Variants in SORBS2 observed in about 807,000 individuals in gnomAD.
SORBS2 encodes sorbin and SH3 domain-containing protein 2.
Under a neutral mutation model 97.7 loss-of-function variants are expected in SORBS2, and 46 were observed. The ratio of observed to expected loss-of-function variants is 0.47; its 90% CI spans 0.37 to 0.60. The LOEUF (loss-of-function observed/expected upper bound fraction) is 0.60, where lower values mean the gene tolerates loss of function less well. Among genes scored for constraint, SORBS2 ranks in the 20% least tolerant of loss-of-function variants. The probability of loss-of-function intolerance (pLI) is 0.00; values close to 1 mark genes in which losing one functional copy is unlikely to be tolerated. For synonymous variants in SORBS2, 476 were observed against 473.4 expected, an observed-to-expected ratio of 1.01 and a Z score of -0.07; for missense variants, 1,316 against 1,282.3, an observed-to-expected ratio of 1.03 and a Z score of -0.40.
At chr4:185,923,106 G>T (rs967650930) in intron 1 of SORBS2, among the ~76,000 whole-genome samples, 1 of 152,168 alleles carries the variant, frequency 6.6e-6, no homozygotes, top group East Asian at 1.9e-4. Context: ...GGGATAATCT[G>T]TATGGGGGGA....
chr4:185,779,157 T>G (rs1233110274), intron 1 of SORBS2, among the ~76,000 whole-genome samples: 1 of 149,018 alleles, frequency 6.7e-6, no homozygotes, highest in African/African-American at 2.5e-5. Context: ...TGGTTGAACC[T>G]TTCAGAAAAC....
intron 2 of SORBS2, chr4:185,770,958 G>A (rs895487559): frequency 1.4e-5 from 2 of 141,688 alleles, no homozygotes; most frequent in Non-Finnish European, 3.1e-5. Context: ...TCCTTTCCCT[G>A]GCATTTTCAT....
chr4:185,587,713 AG>A (rs755729058), intron 14 of SORBS2, 25 bp from the exon 27 acceptor site: 2 of 1,581,732 alleles, frequency 1.3e-6, no homozygotes, highest in African/African-American at 1.3e-5. Flanking sequence ...GAGTCATGAA[AG>A]GGGGGTGACA....
Position 185,762,404 on chromosome 4 carries a change from C to T in SORBS2, c.-198+12823G>A, listed in dbSNP as rs561303473. Reference sequence around the variant, plus strand: ...ATCAGGGATAGAGATTAGGGATTATCGTGAAGGAAGAAACAGGTGAACTCA... The same window carrying T: ...ATCAGGGATAGAGATTAGGGATTATTGTGAAGGAAGAAACAGGTGAACTCA... On this transcript the variant is annotated intron_variant, in intron 2 of 20. Coordinates refer to the SORBS2 transcript ENST00000284776. 2.6e-5 allele frequency among the ~76,000 whole-genome samples: 4 copies of T among 151,672 alleles called. No homozygotes were observed. In the South Asian group the frequency reaches 6.2e-4, roughly 24 times the overall value.
intron 1 of SORBS2, among the ~76,000 whole-genome samples, chr4:185,817,485 T>C (rs985672591): frequency 2.6e-5 from 4 of 152,154 alleles, no homozygotes. Context: ...CACACTTTGT[T>C]CTTGGAGAGG....
Position 185,852,549 on chromosome 4 carries a change from G to A in SORBS2, c.-337-77183C>T, listed in dbSNP as rs530836557. Among the ~76,000 whole-genome samples the A allele has an allele frequency of 4.6e-5, 7 of 152,264 alleles. No homozygotes were observed. The South Asian group carries it at 6.2e-4, about 14-fold the overall frequency. On this transcript the variant is annotated intron_variant, in intron 1 of 20. Transcript: ENST00000284776. ...GTTGTTTTGTAGTGTTATGTTCCAC[G>A]GTTTTGATATGGCTGTAGCTTTCTA...
intron 2 of SORBS2, among the ~76,000 whole-genome samples, chr4:185,698,802 T>A (rs1449783501): frequency 2.0e-5 from 3 of 152,090 alleles, no homozygotes; most frequent in Non-Finnish European, 2.9e-5. Flanking sequence ...AAAGTGTTAA[T>A]CAGGTCTACT....
rs59948235 is a variant in SORBS2, at chr4:185,605,646, A to G, written c.2796+6134T>C. Among the ~76,000 whole-genome samples the G allele has an allele frequency of 8.6e-3, 1,294 of 151,268 alleles. 20 individuals carry two copies. Among genetic ancestry groups the G allele is most frequent in the African/African-American group, 0.03 (1,233 of 41,188 alleles). On this transcript the variant is annotated intron_variant, in intron 12 of 14. Coordinates refer to ENST00000418609, the Ensembl canonical transcript of SORBS2. ...GTCACCCAGGCTGGAGTGCACTGGC[A>G]CGATCTCAGCTCATTACAACCTCCT...
chr4:185,694,863 C>A (rs548423510), intron 2 of SORBS2, among the ~76,000 whole-genome samples: 1 of 151,898 alleles, frequency 6.6e-6, no homozygotes, highest in African/African-American at 2.4e-5. Context: ...TGCACCATCA[C>A]GCCTGGCTAA....
chr4:185,925,256 T>A (rs1364952542), intron 1 of SORBS2, among the ~76,000 whole-genome samples: 3 of 152,210 alleles, frequency 2.0e-5, no homozygotes, highest in Non-Finnish European at 4.4e-5. Context: ...TATCCTCTAA[T>A]GCCACTGGTC....
chr4:185,619,454 G>A (rs1010173002), intron 8 of SORBS2, among the ~76,000 whole-genome samples: 6 of 152,136 alleles, frequency 3.9e-5, no homozygotes, highest in African/African-American at 7.2e-5. Context: ...CCTCTGGAGC[G>A]GCTACCAGTC....
chr4:185,838,448 G>A (rs958263513), intron 1 of SORBS2, among the ~76,000 whole-genome samples: 7 of 152,204 alleles, frequency 4.6e-5, no homozygotes, highest in African/African-American at 1.2e-4. Context: ...GCTGTCTGGG[G>A]GGCTCACGGA....
intron 1 of SORBS2, among the ~76,000 whole-genome samples, chr4:185,889,450 T>C (rs1276293811): frequency 6.6e-6 from 1 of 152,212 alleles, no homozygotes; most frequent in African/African-American, 2.4e-5. Flanking sequence ...TGCTATTTTT[T>C]TTCAAATTCA....
rs868739850 is a variant in SORBS2 at position 185,939,628 on chromosome 4, A to G, written c.-338+16568T>C. 1.3e-5 allele frequency among the ~76,000 whole-genome samples: 2 copies of G among 152,090 alleles called. 1 individual carries two copies. The highest frequency in any genetic ancestry group is 4.1e-4 in the South Asian group (2 of 4,824). Reference sequence around the variant, plus strand: ...CAGGTTCAAGCGATTCTCCTGCCTCAGCCTCCCTAGTAGCTGGGATTACAG... The same window carrying G: ...CAGGTTCAAGCGATTCTCCTGCCTCGGCCTCCCTAGTAGCTGGGATTACAG... On this transcript the variant is annotated intron_variant, in intron 1 of 20. Coordinates refer to the SORBS2 transcript ENST00000284776.
At chr4:185,792,666 CCT>C (rs2099086051) in intron 1 of SORBS2, among the ~76,000 whole-genome samples, 1 of 151,806 alleles carries the variant, frequency 6.6e-6, no homozygotes, top group Non-Finnish European at 1.5e-5. Flanking sequence ...TTTCTTCCTC[CCT>C]CTTTTTATTG....
At chr4:185,917,378 C>T (rs1026828846) in intron 1 of SORBS2, among the ~76,000 whole-genome samples, 3 of 152,124 alleles carry the variant, frequency 2.0e-5, no homozygotes, top group Non-Finnish European at 2.9e-5. Flanking sequence ...AGGTGCAAGC[C>T]ACCATGCCTA....
At chr4:185,589,977 A>G in intron 13 of SORBS2, 192 bp from the exon 26 acceptor site, 1 of 467,836 alleles carries the variant, frequency 2.1e-6, no homozygotes, top group Admixed American at 3.7e-5. Flanking sequence ...ACATAGCAAT[A>G]TGTAGATCTT....
intron 4 of SORBS2, among the ~76,000 whole-genome samples, chr4:185,640,012 C>T (rs956148199): frequency 6.6e-6 from 1 of 152,122 alleles, no homozygotes; most frequent in Non-Finnish European, 1.5e-5. Flanking sequence ...ACAAGTTTTG[C>T]TAATGATACA....
At position 185,623,606 on chromosome 4, in the gene SORBS2, A is replaced by G. The variant is rs147295381; in HGVS notation, c.1523T>C (p.Val508Ala). The G allele has an allele frequency of 2.5e-5, 41 of 1,613,934 alleles. No individual in the cohort carries two copies. The highest frequency in any genetic ancestry group is 3.3e-5 in the Admixed American group (2 of 60,000). Reference sequence around the variant, plus strand: ...GTGAATGTAGTCACTGTGGTCGGACACAACCCCGTCCTGGTCGCTGTCGGA... The same window carrying G: ...GTGAATGTAGTCACTGTGGTCGGACGCAACCCCGTCCTGGTCGCTGTCGGA... Residue 508 changes from valine (V) to alanine (A), a missense_variant, in exon 7 of 15, where the codon GTG becomes GCG. Physicochemically the swap from Val to Ala is moderately conservative, Grantham distance 64. Coordinates refer to ENST00000418609, the Ensembl canonical transcript of SORBS2. The surrounding 1 kb of genome is among the most constrained non-coding windows in gnomAD (Gnocchi z 6.4).
Sources: allele counts gnomAD v4.1 joint callset (sites outside exome capture counted in the v4.1 genomes callset), GRCh38; gene constraint gnomAD v4.1.1; non-coding constraint Gnocchi (gnomAD v3.1); transcripts MANE v1.5; gene names NCBI Gene and HGNC (gene_info 2026-07-23, HGNC 2026-07-21).